Variants in PDE10A observed in about 807,000 individuals in gnomAD.
PDE10A encodes cAMP and cAMP-inhibited cGMP 3',5'-cyclic phosphodiesterase 10A.
PDE10A carries 39 observed loss-of-function variants against 97.7 expected under a neutral mutation model. That is an observed-to-expected ratio of 0.40 (90% CI 0.31 to 0.52). The LOEUF is 0.52. PDE10A is among the 20% of genes least tolerant of loss of function. The probability of loss-of-function intolerance (pLI) is 0.56; values close to 1 mark genes in which losing one functional copy is unlikely to be tolerated. For missense variants in PDE10A, 731 were observed against 1,047.8 expected (o/e 0.70, Z 4.17); for synonymous variants, 371 against 376.8 (o/e 0.98, Z 0.18).
chr6:165,757,257 C>T (rs1025118854), intron 1 of PDE10A, among the ~76,000 whole-genome samples: 2 of 152,154 alleles, frequency 1.3e-5, no homozygotes, highest in Non-Finnish European at 2.9e-5. Flanking sequence ...GCACCGTGCC[C>T]AGCCTAGGAT....
chr6:165,698,440 G>A lies in PDE10A; in HGVS notation c.-614-154872C>T, dbSNP rs539207588. 7.9e-5 allele frequency among the ~76,000 whole-genome samples: 12 copies of A among 152,276 alleles called. 1 individual carries two copies. In the South Asian group the frequency reaches 1.9e-3, roughly 24 times the overall value. Reference sequence around the variant, plus strand: ...TACATAGGGAACACTACTTGTAATCGTAAATGTGAGATGTGGCCTAGTATA... The same window carrying A: ...TACATAGGGAACACTACTTGTAATCATAAATGTGAGATGTGGCCTAGTATA... On this transcript the variant is annotated intron_variant, in intron 1 of 19. Transcript: ENST00000366882.
intron 1 of PDE10A, among the ~76,000 whole-genome samples, chr6:165,591,318 T>A (rs1480155990): frequency 1.3e-5 from 2 of 152,268 alleles, no homozygotes; most frequent in African/African-American, 4.8e-5. Context: ...ATTTTCATTG[T>A]GCTTCTGTTA....
intron 1 of PDE10A, among the ~76,000 whole-genome samples, chr6:165,546,961 CT>C (rs1217225855): frequency 2.6e-5 from 4 of 152,022 alleles, no homozygotes; most frequent in Non-Finnish European, 5.9e-5. Flanking sequence ...CATACAGCAC[CT>C]AGAGCTTGGT....
chr6:165,844,522 C>T (rs1355681892), intron 1 of PDE10A, among the ~76,000 whole-genome samples: 1 of 152,196 alleles, frequency 6.6e-6, no homozygotes, highest in Non-Finnish European at 1.5e-5. Context: ...TTAACACCCT[C>T]TAATTGAACC....
At position 165,661,763 on chromosome 6, in the gene PDE10A, C is replaced by G. The variant is rs1205382841; in HGVS notation, c.865+184G>C. ...ACCCCGGCGTCCCTGCGCGGCCGAA[C>G]GCTCCCGCGCTCCGCCAGGGGCACC... On this transcript the variant is annotated intron_variant, in intron 1 of 21. Coordinates refer to ENST00000539869, the MANE Select transcript of PDE10A (RefSeq NM_001385079.1). The surrounding 1 kb of genome is among the most constrained non-coding windows in gnomAD (Gnocchi z 4.8). Among the ~76,000 whole-genome samples, 2 of 152,104 alleles carry G rather than the reference C, an allele frequency of 1.3e-5. No individual in the cohort carries two copies.
chr6:165,805,156 G>A (rs1178309238), intron 1 of PDE10A, among the ~76,000 whole-genome samples: 1 of 151,598 alleles, frequency 6.6e-6, no homozygotes, highest in African/African-American at 2.4e-5. Flanking sequence ...GCGCGGAGGG[G>A]CGGCGGGGCG....
At chr6:165,374,366 CTGAA>C (rs1304586774) in intron 18 of PDE10A, among the ~76,000 whole-genome samples, 3 of 151,746 alleles carry the variant, frequency 2.0e-5, no homozygotes, top group Non-Finnish European at 4.4e-5. Flanking sequence ...AAAAGAAAAT[CTGAA>C]TAAGTTTTTT....
chr6:165,790,524 A>C (rs995954685), intron 1 of PDE10A, among the ~76,000 whole-genome samples: 1 of 152,126 alleles, frequency 6.6e-6, no homozygotes, highest in African/African-American at 2.4e-5. Flanking sequence ...AAAAGCAATA[A>C]ATTCTATGTG....
chr6:165,520,833 T>G (rs1387161339), intron 2 of PDE10A, among the ~76,000 whole-genome samples: 1 of 152,068 alleles, frequency 6.6e-6, no homozygotes, highest in South Asian at 2.1e-4. Context: ...GACAATTACA[T>G]CCCCAGAAAC....
At position 165,384,645 on chromosome 6, in the gene PDE10A, TGTGTGTGTGTGTGTGTGTGTGTGTATG is replaced by T. The variant is rs796867722; in HGVS notation, c.2610+3626_2610+3652del. On this transcript the variant is annotated intron_variant, in intron 17 of 21. Coordinates refer to ENST00000539869, the MANE Select transcript of PDE10A (RefSeq NM_001385079.1). ...ATGTGTGAGTGAGTGTGTGTGTGTG[TGTGTGTGTGTGTGTGTGTGTGTGTATG>T]GGGGGGGGCGACTAAAGGTTAGCTT... is the stretch of plus-strand genomic sequence containing the variant. Among the ~76,000 whole-genome samples the T allele has an allele frequency of 8.3e-3, 709 of 85,144 alleles. 58 individuals carry two copies. Among genetic ancestry groups the T allele is most frequent in the African/African-American group, 0.041 (684 of 16,494 alleles). The allele number at this position is 85,144 out of a possible 152,430, so 55.9% of individuals were successfully genotyped here.
chr6:165,689,914 T>C (rs1320864975), intron 1 of PDE10A, among the ~76,000 whole-genome samples: 3 of 152,192 alleles, frequency 2.0e-5, no homozygotes, highest in Non-Finnish European at 4.4e-5. Flanking sequence ...GTGAGTACAA[T>C]GTGAGCACTC....
chr6:165,943,207 G>T (rs1334974182), intron 1 of PDE10A, among the ~76,000 whole-genome samples: 1 of 62,198 alleles, frequency 1.6e-5, no homozygotes, highest in East Asian at 3.1e-4. Context: ...AAGAAAGAAA[G>T]AAAGAAAGAA....
chr6:165,704,826 A>T (rs756937758), intron 1 of PDE10A, among the ~76,000 whole-genome samples: 2 of 152,192 alleles, frequency 1.3e-5, no homozygotes, highest in Non-Finnish European at 2.9e-5. Flanking sequence ...GTGCCTTTTG[A>T]TCAAGGTGGG....
chr6:165,788,688 A>G (rs934815614), intron 1 of PDE10A, among the ~76,000 whole-genome samples: 7 of 152,140 alleles, frequency 4.6e-5, no homozygotes, highest in Non-Finnish European at 1.0e-4. Flanking sequence ...TGAAGAAAGA[A>G]TTCAGAACTA....
chr6:165,446,302 T>C (rs542687443), intron 5 of PDE10A, among the ~76,000 whole-genome samples: 1 of 152,190 alleles, frequency 6.6e-6, no homozygotes, highest in Non-Finnish European at 1.5e-5. Flanking sequence ...GCATTTCAGA[T>C]GGAAGAAAAA....
intron 3 of PDE10A, among the ~76,000 whole-genome samples, chr6:165,457,042 T>G (rs546101860): frequency 1.3e-4 from 20 of 152,300 alleles, no homozygotes; most frequent in Middle Eastern, 3.4e-3. Context: ...AGGACTGTTA[T>G]GAAAGGCAAA....
At chr6:165,486,755 A>G (rs1398296355) in intron 2 of PDE10A, among the ~76,000 whole-genome samples, 3 of 152,228 alleles carry the variant, frequency 2.0e-5, no homozygotes, top group Non-Finnish European at 4.4e-5. Flanking sequence ...TCAGTGACAT[A>G]GAATGGGCTG....
chr6:165,707,734 TGA>T (rs1791753668), intron 1 of PDE10A, among the ~76,000 whole-genome samples: 1 of 151,956 alleles, frequency 6.6e-6, no homozygotes, highest in South Asian at 2.1e-4. Flanking sequence ...AGTGTATGTG[TGA>T]GTGTGTGTGG....
At chr6:165,758,907 G>A (rs1793187753) in intron 1 of PDE10A, among the ~76,000 whole-genome samples, 1 of 152,206 alleles carries the variant, frequency 6.6e-6, no homozygotes, top group African/African-American at 2.4e-5. Context: ...ACATTGTGAA[G>A]TGTTGAAAAG....
Sources: gnomAD v4.1 joint callset for allele counts (sites outside exome capture counted in the v4.1 genomes callset) on GRCh38, gnomAD v4.1.1 for gene constraint, Gnocchi (gnomAD v3.1) non-coding constraint, MANE v1.5 for transcripts, NCBI Gene and HGNC (gene_info 2026-07-23, HGNC 2026-07-21) for gene names.